The following PCDHGB1 variants were observed in gnomAD, a reference collection of about 807,000 sequenced individuals.
PCDHGB1 encodes protocadherin gamma subfamily B, 1, also known as protocadherin gamma-B1.
PCDHGB1 carries 34 observed loss-of-function variants against 56.6 expected under a neutral mutation model. The observed-to-expected ratio is 0.60, with a 90% confidence interval of 0.46 to 0.80. The LOEUF is 0.80. Among genes scored for constraint, PCDHGB1 ranks in the 30% least tolerant of loss-of-function variants. The pLI, the probability that PCDHGB1 is intolerant of heterozygous loss-of-function variation, is 0.00. For missense variants in PCDHGB1, 1,278 were observed against 1,204.6 expected, an observed-to-expected ratio of 1.06 and a Z score of -0.90; for synonymous variants, 561 against 505.9, an observed-to-expected ratio of 1.11 and a Z score of -1.46.
chr5:141,360,636 A>T (rs550512719), intron 1 of PCDHGB1: 2 of 1,614,030 alleles, frequency 1.2e-6, no homozygotes, highest in East Asian at 4.5e-5. Flanking sequence ...CTAACTCACT[A>T]CAAAGATACC....
intron 1 of PCDHGB1, chr5:141,371,395 A>G (rs746973366): frequency 5.0e-6 from 8 of 1,614,026 alleles, no homozygotes; most frequent in Non-Finnish European, 5.9e-6. Flanking sequence ...TGTAAAGTAC[A>G]GATAGATATT....
intron 1 of PCDHGB1, chr5:141,410,447 C>T (rs760711107): frequency 3.1e-6 from 5 of 1,613,984 alleles, no homozygotes; most frequent in African/African-American, 2.7e-5. Context: ...GGGGACTTTG[C>T]CTTATTCTTA....
intron 1 of PCDHGB1, among the ~76,000 whole-genome samples, chr5:141,483,907 C>T (rs545585133): frequency 6.0e-5 from 9 of 151,124 alleles, no homozygotes; most frequent in Non-Finnish European, 1.0e-4. Flanking sequence ...TGGTGTGTTT[C>T]CCACTCAGAT....
At chr5:141,466,143 C>T (rs2099117622) in intron 1 of PCDHGB1, among the ~76,000 whole-genome samples, 1 of 151,816 alleles carries the variant, frequency 6.6e-6, no homozygotes, top group Admixed American at 6.6e-5. Flanking sequence ...CAAGTGAAAA[C>T]TCTGGTCTTA....
Position 141,477,763 on chromosome 5 carries a change from C to G in PCDHGB1, c.2410-17044C>G, listed in dbSNP as rs763322593. The G allele has an allele frequency of 6.2e-7, 1 of 1,614,012 alleles. No homozygotes were observed. Among genetic ancestry groups the G allele is most frequent in the Non-Finnish European group, 8.5e-7 (1 of 1,180,032 alleles). Reference sequence around the variant, plus strand: ...ATGGGGGCACCCCGGTCCTAGCCACCAACATCAGCGTGAACATATTTGTCA... The same window carrying G: ...ATGGGGGCACCCCGGTCCTAGCCACGAACATCAGCGTGAACATATTTGTCA... On this transcript the variant is annotated intron_variant, in intron 1 of 3. Transcript: ENST00000523390. This position sits in a 1 kb window ranked among gnomAD's most constrained non-coding sequence, Gnocchi z 4.9.
chr5:141,436,958 G>C (rs2097855854), intron 1 of PCDHGB1, among the ~76,000 whole-genome samples: 1 of 152,124 alleles, frequency 6.6e-6, no homozygotes, highest in Non-Finnish European at 1.5e-5. Context: ...ATCTAAACAA[G>C]GATCTTGTGA....
chr5:141,431,474 G>T lies in PCDHGB1; in HGVS notation c.2410-63333G>T, dbSNP rs747313827. 3.7e-6 allele frequency: 6 copies of T among 1,613,842 alleles called. No homozygotes were observed. The South Asian group carries it at 6.6e-5, about 18-fold the overall frequency. ...GATGGTTCTGGATGCGAACGACAAC[G>T]CACCAGCGTTTGCTCAGCCCGAGTA... is the stretch of plus-strand genomic sequence containing the variant. On this transcript the variant is annotated intron_variant, in intron 1 of 3. Transcript: ENST00000523390. The surrounding 1 kb of genome is among the most constrained non-coding windows in gnomAD (Gnocchi z 4.8).
chr5:141,395,542 T>TTGTTTGTTTGTG (rs1267535064), intron 1 of PCDHGB1: 1 of 168,708 alleles, frequency 5.9e-6, no homozygotes, highest in African/African-American at 5.7e-5. Flanking sequence ...TTGCTATTGT[T>TTGTTTGTTTGTG]TGTGTGTGTG....
chr5:141,493,808 C>T lies in PCDHGB1; in HGVS notation c.2410-999C>T, dbSNP rs2099750260. On this transcript the variant is annotated intron_variant, in intron 1 of 3. Transcript: ENST00000523390. The surrounding 1 kb of genome is among the most constrained non-coding windows in gnomAD (Gnocchi z 4.3). ...CTTCTCCCTGGAGTAATCTGAGATA[C>T]TCACACTCTCTGCTTCTGGGAGCAA... is the stretch of plus-strand genomic sequence containing the variant. 6.6e-6 allele frequency among the ~76,000 whole-genome samples: 1 copy of T among 152,200 alleles called. No individual in the cohort carries two copies. The highest frequency in any genetic ancestry group is 1.5e-5 in the Non-Finnish European group (1 of 68,042).
intron 1 of PCDHGB1, chr5:141,375,799 C>T: frequency 6.2e-7 from 1 of 1,614,232 alleles, no homozygotes; most frequent in Non-Finnish European, 8.5e-7. Flanking sequence ...CAGACGGTTC[C>T]ACTGGCGTGG....
intron 1 of PCDHGB1, chr5:141,364,199 C>A: frequency 9.0e-7 from 1 of 1,116,560 alleles, no homozygotes; most frequent in Non-Finnish European, 1.2e-6. Context: ...ACACACAGAC[C>A]AGACAAGCTC....
At position 141,476,311 on chromosome 5, in the gene PCDHGB1, G is replaced by C. The variant is rs772962568; in HGVS notation, c.2410-18496G>C. ...ATCTCGGTAGCCTCTCAGCCCGCAGGTTCCGGGTGGTGTCTGGAGCTAGCC... is the reference window on the plus strand; with the variant it reads ...ATCTCGGTAGCCTCTCAGCCCGCAGCTTCCGGGTGGTGTCTGGAGCTAGCC... On this transcript the variant is annotated intron_variant, in intron 1 of 3. Transcript: ENST00000523390. The surrounding 1 kb of genome is among the most constrained non-coding windows in gnomAD (Gnocchi z 7.6). 18 of 1,613,680 alleles carry C rather than the reference G, an allele frequency of 1.1e-5. No homozygotes were observed. Among genetic ancestry groups the C allele is most frequent in the African/African-American group, 2.7e-5 (2 of 74,766 alleles).
rs1360364370 is a variant in PCDHGB1, at chr5:141,491,814, G to A, written c.2410-2993G>A. 1 of 1,486,114 alleles carries A rather than the reference G, an allele frequency of 6.7e-7. No individual in the cohort carries two copies. The allele number at this position is 1,486,114 out of a possible 1,614,324, so 92.1% of individuals were successfully genotyped here. On this transcript the variant is annotated intron_variant, in intron 1 of 3. Transcript: ENST00000523390. This position sits in a 1 kb window ranked among gnomAD's most constrained non-coding sequence, Gnocchi z 6.9. ...TCCTCTCCGGCCGGCTTGGTCGCTGGCTGCGCTCCACCCGATTCTCGGGAT... is the reference window on the plus strand; with the variant it reads ...TCCTCTCCGGCCGGCTTGGTCGCTGACTGCGCTCCACCCGATTCTCGGGAT...
chr5:141,371,128 A>G (rs1767509392), intron 1 of PCDHGB1: 1 of 1,614,008 alleles, frequency 6.2e-7, no homozygotes, highest in Non-Finnish European at 8.5e-7. Context: ...TTTACTCAGG[A>G]CATGTACAGG....
intron 1 of PCDHGB1, chr5:141,373,780 T>A (rs1403034903): frequency 7.2e-6 from 2 of 277,114 alleles, no homozygotes; most frequent in Non-Finnish European, 1.3e-5. Flanking sequence ...CTCTGCAGAT[T>A]TAGCAGAAAT....
rs1001717368 is a variant in PCDHGB1 at position 141,405,559 on chromosome 5, G to A, written c.2409+52890G>A. ...CTCAGCCTCCCAAGTAGAGTAGCTG[G>A]GACTAGAGTAGAGTAGCTGGGACTA... On this transcript the variant is annotated intron_variant, in intron 1 of 3. Transcript: ENST00000523390. 1.8e-5 allele frequency: 11 copies of A among 614,566 alleles called. No individual in the cohort carries two copies. In the Admixed American group the frequency reaches 2.9e-4, roughly 16 times the overall value. The allele number at this position is 614,566 out of a possible 1,614,324, so 38.1% of individuals were successfully genotyped here.
chr5:141,362,763 G>A, intron 1 of PCDHGB1: 2 of 636,758 alleles, frequency 3.1e-6, no homozygotes, highest in South Asian at 2.1e-5. Flanking sequence ...TTTATCACAT[G>A]AGATATTGCA....
chr5:141,426,768 G>A (rs2096959269), intron 1 of PCDHGB1: 1 of 456,516 alleles, frequency 2.2e-6, no homozygotes, highest in Non-Finnish European at 4.4e-6. Flanking sequence ...TGCAGATGTA[G>A]GGCCTCACTC....
In PCDHGB1 at chr5:141,380,794, G is replaced by A. The variant is rs116753480; in HGVS notation, c.2409+28125G>A. ...AGACTTTTTTAAAACAGTAGAATAA[G>A]AAACAAATGTGAGATGAAACTATGA... On this transcript the variant is annotated intron_variant, in intron 1 of 3. Transcript: ENST00000523390. Among the ~76,000 whole-genome samples, 564 of 152,260 alleles carry A rather than the reference G, an allele frequency of 3.7e-3. 3 individuals are homozygous for A. The highest frequency in any genetic ancestry group is 0.013 in the African/African-American group (534 of 41,542).
Sources: gnomAD v4.1 joint callset for allele counts (sites outside exome capture counted in the v4.1 genomes callset) on GRCh38, gnomAD v4.1.1 for gene constraint, Gnocchi (gnomAD v3.1) non-coding constraint, MANE v1.5 for transcripts, NCBI Gene and HGNC (gene_info 2026-07-23, HGNC 2026-07-21) for gene names.